KRT7: variants seen among roughly 807,000 people sequenced by gnomAD.
KRT7 encodes the protein keratin 7.
KRT7 carries 50 observed loss-of-function variants against 42.8 expected under a neutral mutation model. The observed-to-expected ratio is 1.17, with a 90% CI of 0.93 to 1.48. KRT7 has a LOEUF of 1.48. Ranked by LOEUF, KRT7 falls within the 40% of genes most tolerant of loss-of-function variation. The pLI is 0.00. For missense variants in KRT7, 588 were observed against 637.6 expected, an observed-to-expected ratio of 0.92 and a Z score of 0.84; for synonymous variants, 268 against 266.3, an observed-to-expected ratio of 1.01 and a Z score of -0.06.
chr12:52,240,497 G>T (rs1288090384), intron 4 of KRT7, among the ~76,000 whole-genome samples: 1 of 152,108 alleles, frequency 6.6e-6, no homozygotes, highest in Non-Finnish European at 1.5e-5. Flanking sequence ...AGGCATGGTG[G>T]CGGGTGCCTG....
intron 4 of KRT7, 74 bp downstream of exon 4, chr12:52,238,849 C>T (rs564947896): frequency 1.4e-5 from 13 of 941,738 alleles, no homozygotes; most frequent in African/African-American, 4.8e-5. Flanking sequence ...TCCAGCCCCC[C>T]GCCTCTGTGT....
intron 6 of KRT7, chr12:52,244,500 G>A (rs1031179570): frequency 6.1e-6 from 6 of 985,772 alleles, no homozygotes; most frequent in South Asian, 4.7e-5. Flanking sequence ...GCAGGGCACC[G>A]AGCTGTGGCC....
In KRT7 at chr12:52,238,679, G is replaced by C. The variant is rs1190230525; in HGVS notation, c.598-1G>C. 6.2e-7 allele frequency: 1 copy of C among 1,610,210 alleles called. No homozygotes were observed. Among genetic ancestry groups the C allele is most frequent in the Admixed American group, 1.7e-5 (1 of 60,016 alleles). On this transcript the variant is annotated splice_acceptor_variant, in intron 3 of 8. Transcript: ENST00000331817. LOFTEE classifies it high-confidence loss of function. ...CTGCCCCATCTTGCCCCAACCCCCA[G>C]GATGTGGATGCTGCCTACATGAGCA...
downstream of KRT7, chr12:52,253,872 G>A: frequency 2.3e-6 from 1 of 431,342 alleles, no homozygotes; most frequent in Admixed American, 2.4e-5. Flanking sequence ...TTCGATGTCT[G>A]AAGCCCCACC....
chr12:52,237,429 TTTCACAGCTGCATATGGCGGAGGGGGGAC>T, intron 2 of KRT7, 51 bp from the exon 3 acceptor site: 1 of 1,052,724 alleles, frequency 9.5e-7, no homozygotes, highest in Non-Finnish European at 1.4e-6. Context: ...GCAGGGCAGA[TTTCACAGCTGCATATGGCGGAGGGGGGAC>T]GGGAGCATGG....
Position 52,235,340 on chromosome 12 carries a change from G to T in KRT7, c.510G>T (p.Gln170His). The T allele has an allele frequency of 6.2e-7, 1 of 1,612,664 alleles. No individual in the cohort carries two copies. The highest frequency in any genetic ancestry group is 1.1e-5 in the South Asian group (1 of 91,006). Residue 170 changes from glutamine to histidine, a missense_variant, in exon 2 of 9, where the codon CAG becomes CAT. Physicochemically the swap from Gln to His is conservative, Grantham distance 24. Transcript: ENST00000331817. ...GRLEAELRSM[Q>H]DVVEDFKNKY... The stretch of plus-strand genomic sequence containing the variant: ...TGGAGGCGGAGCTGCGGAGCATGCA[G>T]GATGTGGTGGAGGACTTCAAGAATA...
intron 8 of KRT7, 125 bp from the exon 9 acceptor site, chr12:52,248,466 C>T (rs1942210544): frequency 3.7e-6 from 4 of 1,076,816 alleles, no homozygotes; most frequent in East Asian, 2.4e-5. Flanking sequence ...TCTGGGTTGG[C>T]CCATGGAGGG....
Position 52,235,275 on chromosome 12 carries a change from C to G in KRT7, c.445C>G (p.Arg149Gly). 2 of 1,614,160 alleles carry G rather than the reference C, an allele frequency of 1.2e-6. No individual in the cohort carries two copies. The highest frequency in any genetic ancestry group is 1.7e-5 in the Admixed American group (1 of 60,032). Reference protein sequence around the residue: ...DIFEAQIAGLRGQLEALQVDG... With the variant: ...DIFEAQIAGLGGQLEALQVDG... Reference sequence around the variant, plus strand: ...CTTTGAGGCCCAGATTGCTGGCCTTCGGGGTCAGCTTGAGGCACTGCAGGT... The same window carrying G: ...CTTTGAGGCCCAGATTGCTGGCCTTGGGGGTCAGCTTGAGGCACTGCAGGT... Residue 149 changes from arginine (R) to glycine (G), a missense_variant, in exon 2 of 9, where the codon CGG becomes GGG. Transcript: ENST00000331817.
chr12:52,255,773 C>A (rs192151208), downstream of KRT7, among the ~76,000 whole-genome samples: 34 of 152,282 alleles, frequency 2.2e-4, no homozygotes, highest in African/African-American at 6.3e-4. Flanking sequence ...CCACTCAGAG[C>A]CCAACATAGC....
downstream of KRT7, among the ~76,000 whole-genome samples, chr12:52,252,811 C>T (rs1057005983): frequency 5.3e-5 from 8 of 152,210 alleles, no homozygotes; most frequent in Non-Finnish European, 1.0e-4. Flanking sequence ...ACCCAAGTGC[C>T]TTGGGAACAG....
downstream of KRT7, among the ~76,000 whole-genome samples, chr12:52,252,924 T>C (rs1221917226): frequency 2.0e-5 from 3 of 152,216 alleles, no homozygotes; most frequent in African/African-American, 7.2e-5. Context: ...CCAAGTCTCA[T>C]GGCAAACTAG....
chr12:52,253,402 G>T, downstream of KRT7: 3 of 1,594,040 alleles, frequency 1.9e-6, no homozygotes, highest in Non-Finnish European at 2.6e-6. Context: ...GGACACCACG[G>T]ATGATTGTGC....
intron 2 of KRT7, 34 bp downstream of exon 2, chr12:52,235,400 G>A: frequency 6.4e-7 from 1 of 1,557,706 alleles, no homozygotes; most frequent in African/African-American, 1.4e-5. Flanking sequence ...GAAGACCCCT[G>A]CCCCGGGCCA....
chr12:52,241,881 C>T (rs929713231), intron 5 of KRT7: 2 of 301,016 alleles, frequency 6.6e-6, no homozygotes, highest in South Asian at 2.4e-4. Flanking sequence ...GTACTAGGCT[C>T]ATGTAATTAT....
At chr12:52,244,971 A>T in intron 6 of KRT7, 1 of 190,820 alleles carries the variant, frequency 5.2e-6, no homozygotes, top group South Asian at 1.0e-4. Flanking sequence ...TTAAGATCCC[A>T]TGGTCTTCGA....
chr12:52,247,842 G>A (rs962914085), intron 7 of KRT7: 6 of 351,820 alleles, frequency 1.7e-5, no homozygotes, highest in African/African-American at 6.3e-5. Flanking sequence ...ACCATTCACC[G>A]AATCCCAGGT....
intron 7 of KRT7, chr12:52,247,276 T>A (rs1942188538): frequency 6.6e-6 from 1 of 152,226 alleles, no homozygotes; most frequent in Non-Finnish European, 1.5e-5. Flanking sequence ...TTCGAGTTGC[T>A]GCCTGACTGC....
intron 3 of KRT7, 65 bp from the exon 4 acceptor site, chr12:52,238,615 C>G: frequency 1.0e-6 from 1 of 977,450 alleles, no homozygotes; most frequent in South Asian, 1.3e-5. Context: ...TGCTTCCACC[C>G]CTACTAAATG....
At chr12:52,253,352 G>A (rs749898027), downstream of KRT7, 129 of 1,612,090 alleles carry the variant, frequency 8.0e-5, no homozygotes, top group South Asian at 1.4e-3. Context: ...GGGAAGTAGA[G>A]TTGCTTATGA....
Sources: allele counts gnomAD v4.1 joint callset (sites outside exome capture counted in the v4.1 genomes callset), GRCh38; gene constraint gnomAD v4.1.1; transcripts MANE v1.5; gene names NCBI Gene and HGNC (gene_info 2026-07-23, HGNC 2026-07-21).